The following MOCOS variants were observed in gnomAD, a reference collection of about 807,000 sequenced individuals.
The protein encoded by MOCOS is human molybdenum cofactor sulfurase.
In MOCOS, 86 loss-of-function variants were observed where a neutral mutation model predicts 83.6. The ratio of observed to expected loss-of-function variants is 1.03; its 90% CI spans 0.86 to 1.23. The LOEUF (loss-of-function observed/expected upper bound fraction) is 1.23, where lower values mean the gene tolerates loss of function less well. Ranked by LOEUF, MOCOS falls within the 50% of genes most tolerant of loss-of-function variation. The probability of loss-of-function intolerance (pLI) is 0.00; values close to 1 mark genes in which losing one functional copy is unlikely to be tolerated. For synonymous variants in MOCOS, 445 were observed against 434.7 expected, an observed-to-expected ratio of 1.02 and a Z score of -0.29; for missense variants, 1,120 against 1,126.9, an observed-to-expected ratio of 0.99 and a Z score of 0.09.
chr18:36,245,083 A>T (rs2091597778), intron 9 of MOCOS, among the ~76,000 whole-genome samples: 1 of 152,144 alleles, frequency 6.6e-6, no homozygotes, highest in South Asian at 2.1e-4. Flanking sequence ...CCATTCTGCC[A>T]TTCTGCCTCT....
In MOCOS at chr18:36,248,200, G is replaced by A. The variant is rs892635982; in HGVS notation, c.1961-722G>A. On this transcript the variant is annotated intron_variant, in intron 9 of 14. Coordinates refer to ENST00000261326, the MANE Select transcript of MOCOS (RefSeq NM_017947.4). ...GGTTTGCATTCCCCTGATGATTAGT[G>A]ATGTTGAACATTAAAAAAAAATTGA... Among the ~76,000 whole-genome samples, 7 of 152,038 alleles carry A rather than the reference G, an allele frequency of 4.6e-5. No homozygotes were observed. In the East Asian group the frequency reaches 7.7e-4, roughly 17 times the overall value.
chr18:36,260,444 T>C (rs553088243), intron 13 of MOCOS, among the ~76,000 whole-genome samples: 4 of 152,346 alleles, frequency 2.6e-5, no homozygotes, highest in South Asian at 2.1e-4. Context: ...GCTGTCGTTA[T>C]GTCCAGACTT....
chr18:36,234,736 T>C (rs1882399974), intron 9 of MOCOS, among the ~76,000 whole-genome samples: 1 of 152,170 alleles, frequency 6.6e-6, no homozygotes, highest in Non-Finnish European at 1.5e-5. Flanking sequence ...ACTGGGTAAT[T>C]TATAAAGGAA....
intron 2 of MOCOS, among the ~76,000 whole-genome samples, chr18:36,197,629 C>T (rs2091394467): frequency 6.6e-6 from 1 of 151,960 alleles, no homozygotes; most frequent in Admixed American, 6.6e-5. Flanking sequence ...AAAAATCAGC[C>T]AGGTGTGGTG....
At chr18:36,248,582 T>C (rs2091610861) in intron 9 of MOCOS, among the ~76,000 whole-genome samples, 1 of 152,250 alleles carries the variant, frequency 6.6e-6, no homozygotes, top group Admixed American at 6.5e-5. Context: ...GGGTCTTAGA[T>C]TTAAATCTCT....
chr18:36,257,204 A>T (rs2091645021), intron 12 of MOCOS, 131 bp downstream of exon 12: 1 of 811,610 alleles, frequency 1.2e-6, no homozygotes, highest in Non-Finnish European at 2.1e-6. Context: ...ACAGATGAGA[A>T]ACTGAGGCCC....
intron 3 of MOCOS, 51 bp from the exon 4 acceptor site, chr18:36,199,632 C>G: frequency 6.2e-7 from 1 of 1,610,142 alleles, no homozygotes; most frequent in Non-Finnish European, 8.5e-7. Context: ...TGCAAACATT[C>G]AGTGCTGGGG....
At chr18:36,213,535 C>G in intron 7 of MOCOS, 53 bp downstream of exon 7, 1 of 1,424,086 alleles carries the variant, frequency 7.0e-7, no homozygotes. Flanking sequence ...CCAGCAACAC[C>G]TGTTGCTGCC....
intron 14 of MOCOS, among the ~76,000 whole-genome samples, chr18:36,267,195 A>G (rs2091684815): frequency 6.6e-6 from 1 of 152,260 alleles, no homozygotes; most frequent in Non-Finnish European, 1.5e-5. Context: ...ATGTGAATAG[A>G]GTAGCTGCAT....
At chr18:36,234,826 A>G (rs1419793934) in intron 9 of MOCOS, among the ~76,000 whole-genome samples, 1 of 152,206 alleles carries the variant, frequency 6.6e-6, no homozygotes, top group African/African-American at 2.4e-5. Flanking sequence ...GCAAAGGGAA[A>G]TGAGGACCTT....
At chr18:36,212,100 G>T (rs2091457809) in intron 6 of MOCOS, among the ~76,000 whole-genome samples, 1 of 152,194 alleles carries the variant, frequency 6.6e-6, no homozygotes, top group Non-Finnish European at 1.5e-5. Flanking sequence ...AAAGACCCAG[G>T]AGTAAAGGAG....
At chr18:36,241,808 G>T (rs1203015122) in intron 9 of MOCOS, among the ~76,000 whole-genome samples, 1 of 152,214 alleles carries the variant, frequency 6.6e-6, no homozygotes, top group Non-Finnish European at 1.5e-5. Flanking sequence ...GTACCCACAG[G>T]CCCAATACCA....
intron 10 of MOCOS, among the ~76,000 whole-genome samples, chr18:36,249,382 C>T (rs1340380279): frequency 6.6e-6 from 1 of 152,178 alleles, no homozygotes; most frequent in Non-Finnish European, 1.5e-5. Flanking sequence ...TTGTATTCAT[C>T]TCCTTTGCCT....
At chr18:36,219,997 T>C (rs1212618771) in intron 8 of MOCOS, 58 bp from the exon 9 acceptor site, 3 of 1,606,078 alleles carry the variant, frequency 1.9e-6, no homozygotes, top group East Asian at 2.2e-5. Flanking sequence ...ACTGTACAAA[T>C]AGGTGAAGAC....
chr18:36,205,258 C>T lies in MOCOS; in HGVS notation c.1200C>T (p.Asn400=), dbSNP rs376307833. Residue 400 remains asparagine (N), a synonymous_variant, in exon 6 of 15, where the codon AAC becomes AAT. Coordinates refer to ENST00000261326, the MANE Select transcript of MOCOS (RefSeq NM_017947.4). Reference sequence around the variant, plus strand: ...TTAATGTGCTGGATGACAAAGGGAACATCATTGGTTACTCCCAGGTGGGTT... The same window carrying T: ...TTAATGTGCTGGATGACAAAGGGAATATCATTGGTTACTCCCAGGTGGGTT... The part of the protein sequence containing the change: ...INFNVLDDKG[N]IIGYSQVDKM... 6.2e-7 allele frequency: 1 copy of T among 1,613,656 alleles called. No individual in the cohort carries two copies. Among genetic ancestry groups the T allele is most frequent in the African/African-American group, 1.3e-5 (1 of 74,892 alleles).
At chr18:36,257,182 C>A in intron 12 of MOCOS, 109 bp downstream of exon 12, 1 of 964,146 alleles carries the variant, frequency 1.0e-6, no homozygotes, top group African/African-American at 1.6e-5. Context: ...GAAGTTCAGC[C>A]CTGCTTCATG....
rs747435798 is a variant in MOCOS at position 36,203,117 on chromosome 18, G to C, written c.946G>C (p.Glu316Gln). The change falls in exon 5 of 15, where the codon GAA (glutamate) becomes CAA (glutamine). Residue 316 changes from glutamate to glutamine, a missense_variant. Glu to Gln is a conservative substitution (Grantham distance 29). Coordinates refer to ENST00000261326, the MANE Select transcript of MOCOS (RefSeq NM_017947.4). The part of the protein sequence containing the change: ...IPRQSVAQRF[E>Q]DGTISFLDVI... ...CTCCTTACCCCGTGGTTATAGGTTTGAAGATGGCACCATCTCATTCCTTGA... is the reference window on the plus strand; with the variant it reads ...CTCCTTACCCCGTGGTTATAGGTTTCAAGATGGCACCATCTCATTCCTTGA... The C allele has an allele frequency of 6.2e-7, 1 of 1,614,160 alleles. No individual in the cohort carries two copies. Among genetic ancestry groups the C allele is most frequent in the Non-Finnish European group, 8.5e-7 (1 of 1,180,004 alleles).
chr18:36,266,733 C>A lies in MOCOS; in HGVS notation c.2410-16C>A. 1 of 1,611,762 alleles carries A rather than the reference C, an allele frequency of 6.2e-7. No individual in the cohort carries two copies. Among genetic ancestry groups the A allele is most frequent in the Non-Finnish European group, 8.5e-7 (1 of 1,178,188 alleles). ...CACTTTTGTGGCAACGCTGTGTTTT[C>A]CTTCTCACCTGCCAGGTTTTGGGGC... On this transcript the variant is annotated splice_polypyrimidine_tract_variant and intron_variant, in intron 13 of 14. Transcript: ENST00000261326.
chr18:36,197,517 T>C (rs190436911), intron 2 of MOCOS, among the ~76,000 whole-genome samples: 18 of 152,064 alleles, frequency 1.2e-4, no homozygotes, highest in African/African-American at 3.6e-4. Context: ...ATAATCCCAG[T>C]GCTTTGGTAG....
Sources: gnomAD v4.1 joint callset for allele counts (sites outside exome capture counted in the v4.1 genomes callset) on GRCh38, gnomAD v4.1.1 for gene constraint, MANE v1.5 for transcripts, NCBI Gene and HGNC (gene_info 2026-07-23, HGNC 2026-07-21) for gene names.